IPP: variants seen among roughly 807,000 people sequenced by gnomAD.
The protein encoded by IPP is intracisternal A particle-promoted polypeptide, also known as actin-binding protein IPP.
Under a neutral mutation model 64.1 loss-of-function variants are expected in IPP, and 41 were observed. That is an observed-to-expected ratio of 0.64 (90% CI 0.50 to 0.83). The LOEUF is 0.83. Among genes scored for constraint, IPP ranks in the 40% least tolerant of loss-of-function variants. The pLI is 0.00. For synonymous variants in IPP, 214 were observed against 235.2 expected (o/e 0.91, Z 0.83); for missense variants, 649 against 703.0 (o/e 0.92, Z 0.87).
chr1:45,725,423 G>A (rs201438079), intron 5 of IPP, among the ~76,000 whole-genome samples: 2 of 137,824 alleles, frequency 1.5e-5, no homozygotes, highest in African/African-American at 5.4e-5. Flanking sequence ...GGGAAGTGAG[G>A]AGCCCCTCTG....
At chr1:45,697,939 CAG>C (rs950107148), downstream of IPP, 81 of 148,988 alleles carry the variant, frequency 5.4e-4, no homozygotes, top group African/African-American at 2.0e-3. Context: ...GCCTGAGTGA[CAG>C]GGCAAGACTC....
chr1:45,706,868 A>C (rs1645519307), intron 8 of IPP, among the ~76,000 whole-genome samples: 2 of 152,264 alleles, frequency 1.3e-5, no homozygotes, highest in Admixed American at 1.3e-4. Context: ...CAGCAGCATA[A>C]TATTTACAAT....
chr1:45,705,919 T>A (rs1311860830), intron 8 of IPP, among the ~76,000 whole-genome samples: 1 of 152,164 alleles, frequency 6.6e-6, no homozygotes, highest in Non-Finnish European at 1.5e-5. Flanking sequence ...CTAGACTTTA[T>A]GCCTGGAGGG....
At chr1:45,739,924 A>G (rs1646036864) in intron 3 of IPP, among the ~76,000 whole-genome samples, 1 of 151,968 alleles carries the variant, frequency 6.6e-6, no homozygotes, top group Non-Finnish European at 1.5e-5. Context: ...CAGCAGATAA[A>G]CAAGTGAACA....
intron 3 of IPP, among the ~76,000 whole-genome samples, chr1:45,735,137 G>A (rs1645960299): frequency 1.3e-5 from 2 of 151,756 alleles, no homozygotes; most frequent in South Asian, 4.2e-4. Flanking sequence ...AGGCTCCAGT[G>A]CAGTGGTGCG....
intron 5 of IPP, among the ~76,000 whole-genome samples, chr1:45,721,996 G>C (rs1411090953): frequency 1.3e-5 from 2 of 152,134 alleles, no homozygotes; most frequent in Admixed American, 6.5e-5. Context: ...TTGAACCCGA[G>C]AGGCAGAGGT....
chr1:45,719,206 A>T lies in IPP; in HGVS notation c.1183T>A (p.Leu395Met), dbSNP rs544803641. 7.4e-6 allele frequency: 12 copies of T among 1,613,978 alleles called. No individual in the cohort carries two copies. In the East Asian group the frequency reaches 2.7e-4, roughly 36 times the overall value. ...VCVCYGAIYA[L>M]GGWVGAEIGN... ...TTAAACTGAACAACATAATTACCCA[A>T]AGCATAGATAGCCCCATAACACACA... Residue 395 changes from leucine (L) to methionine (M), a missense_variant, in exon 6 of 9, where the codon TTG becomes ATG. Coordinates refer to ENST00000396478, the MANE Select transcript of IPP (RefSeq NM_005897.3).
intron 5 of IPP, among the ~76,000 whole-genome samples, chr1:45,724,671 A>T (rs1228078721): frequency 1.4e-5 from 2 of 141,586 alleles, no homozygotes; most frequent in Non-Finnish European, 3.1e-5. Flanking sequence ...CCGGGCCGCA[A>T]CCCTGTCTGG....
intron 1 of IPP, among the ~76,000 whole-genome samples, chr1:45,749,552 G>C (rs1453656892): frequency 7.6e-6 from 1 of 131,922 alleles, no homozygotes; most frequent in Admixed American, 8.9e-5. Context: ...ACGGAGTCTC[G>C]CTCTGTCGCC....
chr1:45,695,730 C>T (rs552892741), downstream of IPP, among the ~76,000 whole-genome samples: 80 of 151,824 alleles, frequency 5.3e-4, no homozygotes, highest in Admixed American at 2.9e-3. Flanking sequence ...AGTGCAATGG[C>T]GCTATCTCGG....
At position 45,699,480 on chromosome 1, in the gene IPP, T is replaced by C; in HGVS notation, c.*486A>G. 1.0e-6 allele frequency: 1 copy of C among 988,610 alleles called. No homozygotes were observed. 61.2% of individuals were successfully genotyped at this position (988,610 alleles called of 1,614,324 possible). ...CTAAAGGGACTATTTGCCAGGAAGC[T>C]TCTAGTAAATAATTTCTACAAATTT... On this transcript the variant is annotated 3_prime_UTR_variant, in exon 9 of 9. Transcript: ENST00000396478.
At chr1:45,726,789 T>A (rs1645834295) in intron 5 of IPP, among the ~76,000 whole-genome samples, 1 of 150,872 alleles carries the variant, frequency 6.6e-6, no homozygotes, top group Non-Finnish European at 1.5e-5. Context: ...AATGGCGCGA[T>A]CTCGGCTTAC....
chr1:45,734,820 G>A (rs1645956227), intron 3 of IPP, among the ~76,000 whole-genome samples: 1 of 151,766 alleles, frequency 6.6e-6, no homozygotes, highest in Non-Finnish European at 1.5e-5. Context: ...CTGCTCTGTT[G>A]CCAGGTGGGA....
In IPP at chr1:45,698,913, A is replaced by T; in HGVS notation, c.*1053T>A. 2.7e-6 allele frequency: 1 copy of T among 370,568 alleles called. No individual in the cohort carries two copies. Among genetic ancestry groups the T allele is most frequent in the Non-Finnish European group, 3.7e-6 (1 of 268,348 alleles). 23.0% of individuals were successfully genotyped at this position (370,568 alleles called of 1,614,324 possible). On this transcript the variant is annotated 3_prime_UTR_variant, in exon 9 of 9. Transcript: ENST00000396478. The stretch of plus-strand genomic sequence containing the variant: ...TTTATATATTTTTTGGTAGAGACGG[A>T]GTCTCATCACGTTGCCCAGGCTAGT...
chr1:45,716,005 TCTC>T (rs1268165676), intron 7 of IPP, among the ~76,000 whole-genome samples: 5 of 152,152 alleles, frequency 3.3e-5, no homozygotes, highest in Non-Finnish European at 7.3e-5. Flanking sequence ...GTTGCTTTCT[TCTC>T]CACAGGTGCA....
Position 45,719,216 on chromosome 1 carries a change from A to G in IPP, c.1173T>C (p.Ala391=), listed in dbSNP as rs754901252. ...CAACATAATTACCCAAAGCATAGAT[A>G]GCCCCATAACACACACACACTCCTA... ...CGLGVCVCYG[A]IYALGGWVGA... The change falls in exon 6 of 9, where the codon GCT becomes GCC. Residue 391 remains alanine, a synonymous_variant. Coordinates refer to ENST00000396478, the MANE Select transcript of IPP (RefSeq NM_005897.3). The G allele has an allele frequency of 1.7e-5, 27 of 1,614,088 alleles. 2 individuals are homozygous for G. The South Asian group carries it at 2.7e-4, about 16-fold the overall frequency.
intron 4 of IPP, among the ~76,000 whole-genome samples, chr1:45,728,437 CTA>C (rs1218305427): frequency 6.6e-6 from 1 of 151,848 alleles, no homozygotes; most frequent in Non-Finnish European, 1.5e-5. Context: ...CAGATCTGGA[CTA>C]TATGTATCAA....
At chr1:45,730,514 G>C (rs914250753) in intron 3 of IPP, among the ~76,000 whole-genome samples, 4 of 152,128 alleles carry the variant, frequency 2.6e-5, no homozygotes, top group Non-Finnish European at 5.9e-5. Flanking sequence ...AAGAATGATA[G>C]ACAAAGCAAG....
At chr1:45,726,001 T>A in intron 5 of IPP, among the ~76,000 whole-genome samples, 5 of 144,086 alleles carry the variant, frequency 3.5e-5, no homozygotes, top group Middle Eastern at 3.5e-3. Flanking sequence ...CTTTGTTCAC[T>A]TGTTTATCTG....
Sources: gnomAD v4.1 joint callset for allele counts (sites outside exome capture counted in the v4.1 genomes callset) on GRCh38, gnomAD v4.1.1 for gene constraint, MANE v1.5 for transcripts, NCBI Gene and HGNC (gene_info 2026-07-23, HGNC 2026-07-21) for gene names.